JAKMIP1: variants seen among roughly 807,000 people sequenced by gnomAD.
JAKMIP1 encodes the protein janus kinase and microtubule-interacting protein 1.
In JAKMIP1, 33 loss-of-function variants were observed where a neutral mutation model predicts 113.0. The observed-to-expected ratio is 0.29, with a 90% CI of 0.22 to 0.39. The LOEUF (loss-of-function observed/expected upper bound fraction) is 0.39, where lower values mean the gene tolerates loss of function less well. Among genes scored for constraint, JAKMIP1 ranks in the 10% least tolerant of loss-of-function variants. The pLI, the probability that JAKMIP1 is intolerant of heterozygous loss-of-function variation, is 1.00. For missense variants in JAKMIP1, 813 were observed against 1,080.5 expected (o/e 0.75, Z 3.47); for synonymous variants, 480 against 459.9 (o/e 1.04, Z -0.56).
At chr4:6,070,971 A>G (rs759718710) in intron 8 of JAKMIP1, among the ~76,000 whole-genome samples, 4 of 152,240 alleles carry the variant, frequency 2.6e-5, no homozygotes, top group Non-Finnish European at 4.4e-5. Flanking sequence ...CTGCAGAAAA[A>G]ATGGACAGAC....
At chr4:6,124,293 G>C (rs1717114578) in intron 1 of JAKMIP1, among the ~76,000 whole-genome samples, 1 of 152,226 alleles carries the variant, frequency 6.6e-6, no homozygotes, top group Admixed American at 6.5e-5. Flanking sequence ...AGAGGTCACA[G>C]CTGGTGGGTC....
chr4:6,032,076 G>A (rs544364758), intron 19 of JAKMIP1, among the ~76,000 whole-genome samples: 285 of 152,232 alleles, frequency 1.9e-3, no homozygotes, highest in African/African-American at 6.5e-3. Flanking sequence ...CTTGAATTCT[G>A]GGCCCCAAAT....
chr4:6,170,975 TGA>T, intron 1 of JAKMIP1, among the ~76,000 whole-genome samples: 2 of 133,904 alleles, frequency 1.5e-5, no homozygotes, highest in Admixed American at 1.5e-4. Flanking sequence ...CCACCATCAC[TGA>T]CACCACCACC....
rs1357579152 is a variant in JAKMIP1, at chr4:6,069,680, G to A, written c.1303-4672C>T. 2.0e-5 allele frequency among the ~76,000 whole-genome samples: 3 copies of A among 151,864 alleles called. No individual in the cohort carries two copies. The highest frequency in any genetic ancestry group is 2.0e-4 in the Admixed American group (3 of 15,256). ...AGGTGGAAAGATTACTTGAGCCTGGGAGGTTGGGGCTGCAGTGAGCTGTGA... is the reference window on the plus strand; with the variant it reads ...AGGTGGAAAGATTACTTGAGCCTGGAAGGTTGGGGCTGCAGTGAGCTGTGA... On this transcript the variant is annotated intron_variant, in intron 8 of 20. Coordinates refer to ENST00000409021, the MANE Select transcript of JAKMIP1 (RefSeq NM_001099433.2). This position sits in a 1 kb window ranked among gnomAD's most constrained non-coding sequence, Gnocchi z 4.5.
Position 6,181,325 on chromosome 4 carries a change from C to A in JAKMIP1, c.-148+18928G>T, listed in dbSNP as rs1725992637. Among the ~76,000 whole-genome samples the A allele has an allele frequency of 1.3e-5, 2 of 152,158 alleles. No individual in the cohort carries two copies. The highest frequency in any genetic ancestry group is 2.9e-5 in the Non-Finnish European group (2 of 68,022). On this transcript the variant is annotated intron_variant, in intron 1 of 20. Transcript: ENST00000409021. The surrounding 1 kb of genome is among the most constrained non-coding windows in gnomAD (Gnocchi z 5.4). ...TGCTGAGAGAGGAAGAGACCAGGGGCTCGAAGAGTAACACTAATTACAGGC... is the reference window on the plus strand; with the variant it reads ...TGCTGAGAGAGGAAGAGACCAGGGGATCGAAGAGTAACACTAATTACAGGC...
At chr4:6,098,787 G>GGA in intron 3 of JAKMIP1, among the ~76,000 whole-genome samples, 1 of 110,710 alleles carries the variant, frequency 9.0e-6, no homozygotes, top group Non-Finnish European at 2.1e-5. Context: ...AAGAAAGAAA[G>GGA]ATTGATTCCT....
chr4:6,170,711 C>A (rs1444344284), intron 1 of JAKMIP1, among the ~76,000 whole-genome samples: 2 of 76,444 alleles, frequency 2.6e-5, no homozygotes, highest in Non-Finnish European at 3.6e-5. Flanking sequence ...ACCATCACCA[C>A]CACCATCCCC....
At chr4:6,132,020 GA>G (rs1170938585) in intron 1 of JAKMIP1, among the ~76,000 whole-genome samples, 1 of 152,142 alleles carries the variant, frequency 6.6e-6, no homozygotes, top group Non-Finnish European at 1.5e-5. Flanking sequence ...AAGAAAGGAA[GA>G]ATTTTAGAGA....
rs759405742 is a variant in JAKMIP1, at chr4:6,049,776, C to G, written c.1962+43G>C. 1.4e-6 allele frequency: 2 copies of G among 1,480,310 alleles called. No individual in the cohort carries two copies. The highest frequency in any genetic ancestry group is 1.9e-6 in the Non-Finnish European group (2 of 1,059,498). 91.7% of individuals were successfully genotyped at this position (1,480,310 alleles called of 1,614,324 possible). ...AAAGTCACACAGAATACACCCAGAT[C>G]AAAACAAGAACACGAAAGCAGAAAC... is the stretch of plus-strand genomic sequence containing the variant. On this transcript the variant is annotated intron_variant, in intron 15 of 20. Coordinates refer to ENST00000409021, the MANE Select transcript of JAKMIP1 (RefSeq NM_001099433.2). The surrounding 1 kb of genome is among the most constrained non-coding windows in gnomAD (Gnocchi z 7.0).
In JAKMIP1 at chr4:6,106,079, C is replaced by T; in HGVS notation, c.130-112G>A. The T allele has an allele frequency of 1.4e-6, 1 of 693,112 alleles. No individual in the cohort carries two copies. The highest frequency in any genetic ancestry group is 2.4e-6 in the Non-Finnish European group (1 of 419,852). 42.9% of individuals were successfully genotyped at this position (693,112 alleles called of 1,614,324 possible). ...AGCCTCCCCACGCCCAAGACACCCA[C>T]CTGGGCCCACGTTCCCATGGATTCC... On this transcript the variant is annotated intron_variant, in intron 2 of 20. Coordinates refer to ENST00000409021, the MANE Select transcript of JAKMIP1 (RefSeq NM_001099433.2). This position sits in a 1 kb window ranked among gnomAD's most constrained non-coding sequence, Gnocchi z 5.9.
rs6849458 is a variant in JAKMIP1 at position 6,051,932 on chromosome 4, G to C, written c.1807-1253C>G. On this transcript the variant is annotated intron_variant, in intron 13 of 20. Transcript: ENST00000409021. This position sits in a 1 kb window ranked among gnomAD's most constrained non-coding sequence, Gnocchi z 5.0. ...AAATCAAACTGCTTTAGTTTGAGCA[G>C]AGTTACGGTAAGGTAAAAAATAACA... is the stretch of plus-strand genomic sequence containing the variant. Among the ~76,000 whole-genome samples the C allele has an allele frequency of 6.6e-6, 1 of 152,038 alleles. No individual in the cohort carries two copies. The highest frequency in any genetic ancestry group is 6.5e-5 in the Admixed American group (1 of 15,268).
Position 6,185,640 on chromosome 4 carries a change from T to G in JAKMIP1, c.-148+14613A>C, listed in dbSNP as rs764487624. Reference sequence around the variant, plus strand: ...TCCAGCCTGAGCGACAGAGGAAGACTCCGTCTCAAAAAAACAAAAGCCAGA... The same window carrying G: ...TCCAGCCTGAGCGACAGAGGAAGACGCCGTCTCAAAAAAACAAAAGCCAGA... On this transcript the variant is annotated intron_variant, in intron 1 of 20. Coordinates refer to ENST00000409021, the MANE Select transcript of JAKMIP1 (RefSeq NM_001099433.2). The surrounding 1 kb of genome is among the most constrained non-coding windows in gnomAD (Gnocchi z 5.3). 9.2e-5 allele frequency among the ~76,000 whole-genome samples: 14 copies of G among 151,828 alleles called. No homozygotes were observed. Among genetic ancestry groups the G allele is most frequent in the Non-Finnish European group, 1.3e-4 (9 of 67,946 alleles).
rs909172752 is a variant in JAKMIP1 at position 6,157,438 on chromosome 4, G to A, written c.-148+42815C>T. ...ATTTCTATGGTAATTCAGGTAATTT[G>A]TGATATTTAGGAAGCTACAAATTAT... On this transcript the variant is annotated intron_variant, in intron 1 of 20. Transcript: ENST00000409021. This position sits in a 1 kb window ranked among gnomAD's most constrained non-coding sequence, Gnocchi z 4.7. 6.6e-6 allele frequency among the ~76,000 whole-genome samples: 1 copy of A among 152,196 alleles called. No individual in the cohort carries two copies. The highest frequency in any genetic ancestry group is 6.5e-5 in the Admixed American group (1 of 15,288).
chr4:6,147,307 T>A (rs1377439485), intron 1 of JAKMIP1, among the ~76,000 whole-genome samples: 1 of 152,068 alleles, frequency 6.6e-6, no homozygotes, highest in African/African-American at 2.4e-5. Context: ...TTTGTTTTGG[T>A]TTGGTTCGGT....
intron 9 of JAKMIP1, among the ~76,000 whole-genome samples, chr4:6,063,535 G>A (rs1247554399): frequency 6.6e-6 from 1 of 152,202 alleles, no homozygotes; most frequent in Non-Finnish European, 1.5e-5. Flanking sequence ...GGCTGAGGCT[G>A]GTGGGCTGAC....
chr4:6,185,580 G>A lies in JAKMIP1; in HGVS notation c.-148+14673C>T, dbSNP rs557591448. 2.0e-5 allele frequency among the ~76,000 whole-genome samples: 3 copies of A among 152,242 alleles called. No individual in the cohort carries two copies. The highest frequency in any genetic ancestry group is 2.4e-5 in the African/African-American group (1 of 41,546). ...GGAGAATGGCGTGAACCTGGGAGGC[G>A]GAGCTTGCAGTGAGCTGAGATCACG... is the stretch of plus-strand genomic sequence containing the variant. On this transcript the variant is annotated intron_variant, in intron 1 of 20. Transcript: ENST00000409021. This position sits in a 1 kb window ranked among gnomAD's most constrained non-coding sequence, Gnocchi z 5.3.
At position 6,026,227 on chromosome 4, in the gene JAKMIP1, A is replaced by C. The variant is rs749038820; in HGVS notation, c.*1T>G. ...CCCGAGTTCTTGGCTCACTGAAGTC[A>C]TCAAGGCCACAGAATGAATGCTAGT... is the stretch of plus-strand genomic sequence containing the variant. On this transcript the variant is annotated 3_prime_UTR_variant, in exon 21 of 21. Transcript: ENST00000409021. 6.5e-7 allele frequency: 1 copy of C among 1,549,862 alleles called. No homozygotes were observed. The highest frequency in any genetic ancestry group is 1.2e-5 in the South Asian group (1 of 83,384).
Position 6,104,561 on chromosome 4 carries a change from AATTAAGATGTCTCTCTTGTAAAT to A in JAKMIP1, c.624+889_624+911del, listed in dbSNP as rs1713590955. 2.0e-5 allele frequency among the ~76,000 whole-genome samples: 3 copies of A among 152,210 alleles called. No homozygotes were observed. The East Asian group carries it at 5.8e-4, about 29-fold the overall frequency. Reference sequence around the variant, plus strand: ...ATGCTCCATGTCACCATGTCCTCATAATTAAGATGTCTCTCTTGTAAATATCACTGTTACTCTTTGATCCAGTC... The same window carrying A: ...ATGCTCCATGTCACCATGTCCTCATAATCACTGTTACTCTTTGATCCAGTC... On this transcript the variant is annotated intron_variant, in intron 3 of 20. Transcript: ENST00000409021.
At chr4:6,079,827 A>G (rs1720245680) in intron 7 of JAKMIP1, among the ~76,000 whole-genome samples, 1 of 152,254 alleles carries the variant, frequency 6.6e-6, no homozygotes, top group Non-Finnish European at 1.5e-5. Flanking sequence ...CAAACAAACA[A>G]AAAGCCTTCT....
Sources: gnomAD v4.1 joint callset for allele counts (sites outside exome capture counted in the v4.1 genomes callset) on GRCh38, gnomAD v4.1.1 for gene constraint, Gnocchi (gnomAD v3.1) non-coding constraint, MANE v1.5 for transcripts, NCBI Gene and HGNC (gene_info 2026-07-23, HGNC 2026-07-21) for gene names.